Variants in CDKL2 observed in about 807,000 individuals in gnomAD.
The protein encoded by CDKL2 is cyclin-dependent kinase-like 2.
Under a neutral mutation model 63.9 loss-of-function variants are expected in CDKL2, and 64 were observed. The observed-to-expected ratio is 1.00, with a 90% CI of 0.82 to 1.23. The LOEUF is 1.23. Among genes scored for constraint, CDKL2 ranks in the 50% most tolerant of loss-of-function variants. CDKL2 has a pLI of 0.00. For missense variants in CDKL2, 656 were observed against 668.0 expected (o/e 0.98, Z 0.20); for synonymous variants, 211 against 229.2 (o/e 0.92, Z 0.72).
intron 6 of CDKL2, among the ~76,000 whole-genome samples, chr4:75,602,170 T>TGTTG (rs60869052): frequency 1.1e-4 from 16 of 151,908 alleles, no homozygotes; most frequent in South Asian, 1.0e-3. Flanking sequence ...TTGTTTTTTT[T>TGTTG]TTGTTGTTGT....
intron 12 of CDKL2, among the ~76,000 whole-genome samples, chr4:75,583,743 T>C (rs9684107): frequency 0.4 from 60,890 of 151,912 alleles, 12,949 homozygotes; most frequent in African/African-American, 0.51. Context: ...GGGCAATTCG[T>C]ACTTTTTATT....
At chr4:75,589,579 C>T (rs1306326028) in intron 12 of CDKL2, among the ~76,000 whole-genome samples, 1 of 152,044 alleles carries the variant, frequency 6.6e-6, no homozygotes, top group East Asian at 1.9e-4. Flanking sequence ...GCTGGGATTA[C>T]AGGCGTGAGC....
In CDKL2 at chr4:75,581,865, C is replaced by T. The variant is rs1210498783; in HGVS notation, c.1681G>A (p.Ala561Thr). The change falls in exon 13 of 14, where the codon GCT becomes ACT. Residue 561 changes from alanine to threonine, a missense_variant. Transcript: ENST00000307465. ...TGGTGTTCCATTTGAGGCAAATCAG[C>T]CCCTGAATCATCTGACAGGGGAGGT... ...SGPPLSDDSGADLPQMEHQH is the reference protein window; with the variant it reads ...SGPPLSDDSGTDLPQMEHQH 2 of 1,612,920 alleles carry T rather than the reference C, an allele frequency of 1.2e-6. No homozygotes were observed. The highest frequency in any genetic ancestry group is 1.7e-6 in the Non-Finnish European group (2 of 1,179,268).
Position 75,597,159 on chromosome 4 carries a change from A to C in CDKL2, c.1098T>G (p.Ala366=). 1 of 1,613,774 alleles carries C rather than the reference A, an allele frequency of 6.2e-7. No individual in the cohort carries two copies. ...CATTTGAAGCTCTATTGCCTTTTTC[A>C]GCTTTTTCTCCATCAATTTTTGAGC... ...IKGSKIDGEK[A]EKGNRASNAS... Residue 366 remains alanine, a synonymous_variant, in exon 9 of 14, where the codon GCT becomes GCG. Transcript: ENST00000307465.
rs761494010 is a variant in CDKL2 at position 75,596,336 on chromosome 4, C to A, written c.1327G>T (p.Asp443Tyr). The A allele has an allele frequency of 1.2e-6, 2 of 1,600,584 alleles. No individual in the cohort carries two copies. The highest frequency in any genetic ancestry group is 1.7e-6 in the Non-Finnish European group (2 of 1,168,236). ...ATAGAACACTTCTTAGTTTTCTCAT[C>A]CACTCTGTAACGACAAAAAAAAATG... Reference protein sequence around the residue: ...ETIPIQGYRVDEKTKKCSIPF... With the variant: ...ETIPIQGYRVYEKTKKCSIPF... The change falls in exon 10 of 14, where the codon GAT becomes TAT. Residue 443 changes from aspartate (D) to tyrosine (Y), a missense_variant. Physicochemically the swap from Asp to Tyr is radical, Grantham distance 160. Transcript: ENST00000307465.
rs1445705769 is a variant in CDKL2 at position 75,578,134 on chromosome 4, GGATCC to G, written c.*1063_*1067del. ...TTATTCCTCCCACCTAAAAAGTTTT[GGATCC>G]ATGCATTGGAAAAGATGTGTGGAAT... On this transcript the variant is annotated 3_prime_UTR_variant, in exon 14 of 14. Transcript: ENST00000307465. 6.6e-6 allele frequency: 1 copy of G among 152,068 alleles called. No homozygotes were observed. Among genetic ancestry groups the G allele is most frequent in the Non-Finnish European group, 1.5e-5 (1 of 68,004 alleles). 9.4% of individuals were successfully genotyped at this position (152,068 alleles called of 1,614,324 possible). A position where few individuals can be genotyped will look rare whatever the true frequency, so the allele number is the denominator to read the frequency against.
intron 10 of CDKL2, among the ~76,000 whole-genome samples, chr4:75,595,151 A>G (rs922796852): frequency 2.6e-5 from 4 of 152,042 alleles, no homozygotes; most frequent in African/African-American, 9.7e-5. Flanking sequence ...TGTCTCACAC[A>G]TAACGATTGA....
chr4:75,606,894 A>T (rs1729444239), intron 4 of CDKL2, among the ~76,000 whole-genome samples: 1 of 152,180 alleles, frequency 6.6e-6, no homozygotes, highest in South Asian at 2.1e-4. Flanking sequence ...ACAATGTCAC[A>T]TTTAACCAAT....
chr4:75,589,463 C>A (rs1212942156), intron 12 of CDKL2, among the ~76,000 whole-genome samples: 3 of 151,066 alleles, frequency 2.0e-5, no homozygotes, highest in African/African-American at 7.3e-5. Flanking sequence ...TGCCACTACG[C>A]CCGGCTAATT....
chr4:75,588,789 T>C (rs587645715), intron 12 of CDKL2, among the ~76,000 whole-genome samples: 60 of 149,744 alleles, frequency 4.0e-4, no homozygotes, highest in Middle Eastern at 3.4e-3. Flanking sequence ...TAAAGGAAAT[T>C]AGGGATCCTT....
chr4:75,595,954 GAGGAAGGAAGGAAGGAAGGAAAGAAGGA>G (rs71681984), intron 10 of CDKL2: 1 of 220,784 alleles, frequency 4.5e-6, no homozygotes, highest in East Asian at 1.5e-4. Context: ...AAAAGAAAGA[GAGGAAGGAAGGAAGGAAGGAAAGAAGGA>G]AGGAAGGAAG....
At chr4:75,611,658 T>A (rs866134697) in intron 3 of CDKL2, among the ~76,000 whole-genome samples, 31 of 150,962 alleles carry the variant, frequency 2.1e-4, no homozygotes, top group African/African-American at 7.5e-4. Context: ...ACCACCTTTT[T>A]TTTTTTTTTT....
intron 3 of CDKL2, among the ~76,000 whole-genome samples, chr4:75,607,733 TAAAG>T (rs1729483529): frequency 6.6e-6 from 1 of 151,660 alleles, no homozygotes; most frequent in African/African-American, 2.4e-5. Flanking sequence ...CCTAGATAAA[TAAAG>T]AGAAAGAAGG....
chr4:75,611,301 A>C (rs1729680553), intron 3 of CDKL2, among the ~76,000 whole-genome samples: 1 of 152,100 alleles, frequency 6.6e-6, no homozygotes, highest in Admixed American at 6.5e-5. Context: ...TCTACTAAAA[A>C]TACAAAAATT....
chr4:75,603,807 G>C lies in CDKL2; in HGVS notation c.795+10C>G, dbSNP rs1264937880. The C allele has an allele frequency of 5.0e-5, 75 of 1,497,998 alleles. No homozygotes were observed. Among genetic ancestry groups the C allele is most frequent in the Non-Finnish European group, 6.7e-5 (74 of 1,108,826 alleles). 92.8% of individuals were successfully genotyped at this position (1,497,998 alleles called of 1,614,324 possible). ...CCCTGTCATAAAGTGTAAACAATAA[G>C]TATGATTACCTTTGCTAAATCTATC... On this transcript the variant is annotated intron_variant, in intron 6 of 13. Coordinates refer to ENST00000307465, the MANE Select transcript of CDKL2 (RefSeq NM_001330724.2).
intron 3 of CDKL2, among the ~76,000 whole-genome samples, chr4:75,609,563 G>A (rs1045695584): frequency 3.3e-5 from 5 of 150,200 alleles, no homozygotes; most frequent in Admixed American, 1.3e-4. Context: ...CCGAGATTGC[G>A]CCATTGCACT....
intron 12 of CDKL2, among the ~76,000 whole-genome samples, chr4:75,589,851 C>T (rs28534902): frequency 0.022 from 3,382 of 152,142 alleles, 48 homozygotes; most frequent in Middle Eastern, 0.055. Flanking sequence ...GCATGGTAGC[C>T]TGCACCTGTA....
At chr4:75,589,472 T>A (rs866701806) in intron 12 of CDKL2, among the ~76,000 whole-genome samples, 14 of 151,158 alleles carry the variant, frequency 9.3e-5, no homozygotes, top group Non-Finnish European at 1.6e-4. Flanking sequence ...GCCCGGCTAA[T>A]TTTTTGTATT....
rs756132490 is a variant in CDKL2 at position 75,596,245 on chromosome 4, A to T, written c.1416+2T>A. The T allele has an allele frequency of 6.4e-7, 1 of 1,566,756 alleles. No homozygotes were observed. Among genetic ancestry groups the T allele is most frequent in the Non-Finnish European group, 8.8e-7 (1 of 1,136,972 alleles). ...TTCTACTACTGAGAACTGCTTACTT[A>T]CTAATGTGGTCACATTAATGTTATA... On this transcript the variant is annotated splice_donor_variant, in intron 10 of 13. Coordinates refer to ENST00000307465, the MANE Select transcript of CDKL2 (RefSeq NM_001330724.2). LOFTEE classifies it high-confidence loss of function.
Sources: allele counts gnomAD v4.1 joint callset (sites outside exome capture counted in the v4.1 genomes callset), GRCh38; gene constraint gnomAD v4.1.1; transcripts MANE v1.5; gene names NCBI Gene and HGNC (gene_info 2026-07-23, HGNC 2026-07-21).